NOMO3: variants seen among roughly 807,000 people sequenced by gnomAD.
The protein encoded by NOMO3 is NODAL modulator 3, also known as BOS complex subunit NOMO3.
A neutral mutation model predicts 69.9 loss-of-function variants in NOMO3; 15 were observed. The ratio of observed to expected loss-of-function variants is 0.21; its 90% confidence interval spans 0.14 to 0.33. The LOEUF is 0.33. Among genes scored for constraint, NOMO3 ranks in the 10% least tolerant of loss-of-function variants. The pLI, the probability that NOMO3 is intolerant of heterozygous loss-of-function variation, is 1.00. For missense variants in NOMO3, 218 were observed against 761.0 expected, an observed-to-expected ratio of 0.29 and a Z score of 8.39; for synonymous variants, 89 against 301.9, an observed-to-expected ratio of 0.29 and a Z score of 7.31.
chr16:16,237,080 A>G (rs1489589040), intron 2 of NOMO3, 90 bp downstream of exon 2: 4 of 1,568,596 alleles, frequency 2.6e-6, no homozygotes, highest in African/African-American at 1.5e-5. Context: ...ACACTAGCAA[A>G]TGCTCATCTG....
At chr16:16,248,567 A>C (rs1316202964) in intron 6 of NOMO3, among the ~76,000 whole-genome samples, 15 of 145,962 alleles carry the variant, frequency 1.0e-4, no homozygotes, top group Non-Finnish European at 2.3e-4. Flanking sequence ...CTAGCTAAGG[A>C]TACAGTCTTT....
chr16:16,245,335 C>T (rs1424161887), intron 5 of NOMO3, among the ~76,000 whole-genome samples, 161 bp downstream of exon 5: 2 of 143,430 alleles, frequency 1.4e-5, no homozygotes. Flanking sequence ...CTGAGTTCCC[C>T]ACATGTGAAA....
In NOMO3 at chr16:16,237,580, G is replaced by C. The variant is rs1310924711; in HGVS notation, c.255+590G>C. 1.4e-5 allele frequency among the ~76,000 whole-genome samples: 2 copies of C among 139,214 alleles called. 1 individual carries two copies. The highest frequency in any genetic ancestry group is 3.0e-5 in the Non-Finnish European group (2 of 66,628). 91.3% of individuals were successfully genotyped at this position (139,214 alleles called of 152,430 possible). A position where few individuals can be genotyped will look rare whatever the true frequency, so the allele number is the denominator to read the frequency against. ...TTTTCTTCTTTTGAGTTGGAGTCTCGCTCTGTCGCCCAGGCTGGAGTGCAG... is the reference window on the plus strand; with the variant it reads ...TTTTCTTCTTTTGAGTTGGAGTCTCCCTCTGTCGCCCAGGCTGGAGTGCAG... On this transcript the variant is annotated intron_variant, in intron 2 of 30. Transcript: ENST00000399336.
intron 3 of NOMO3, 30 bp from the exon 4 acceptor site, chr16:16,243,131 C>T (rs2049386972): frequency 6.5e-6 from 6 of 928,110 alleles, no homozygotes; most frequent in African/African-American, 2.2e-5. Context: ...TGTCTTGTGC[C>T]CCGGTTTCCT....
chr16:16,242,719 G>A (rs1159144513), intron 3 of NOMO3, among the ~76,000 whole-genome samples: 1 of 142,938 alleles, frequency 7.0e-6, no homozygotes, highest in Non-Finnish European at 1.5e-5. Flanking sequence ...TAACCTTTCT[G>A]TGCCTTAATT....
chr16:16,274,302 A>ATGG (rs1567568577), intron 20 of NOMO3, among the ~76,000 whole-genome samples: 19 of 32,446 alleles, frequency 5.9e-4, no homozygotes, highest in Non-Finnish European at 1.4e-3. Flanking sequence ...TGGATGGATG[A>ATGG]ATGAATGATT....
At chr16:16,238,921 A>G (rs1596798062) in intron 2 of NOMO3, among the ~76,000 whole-genome samples, 1 of 134,356 alleles carries the variant, frequency 7.4e-6, no homozygotes, top group African/African-American at 3.3e-5. Context: ...CTACTAAAAT[A>G]CAAAAAAATT....
rs1333732048 is a variant in NOMO3, at chr16:16,273,993, G to A, written c.2274G>A (p.Arg758=). 2 of 1,475,120 alleles carry A rather than the reference G, an allele frequency of 1.4e-6. No individual in the cohort carries two copies. The highest frequency in any genetic ancestry group is 1.8e-6 in the Non-Finnish European group (2 of 1,102,232). 91.4% of individuals were successfully genotyped at this position (1,475,120 alleles called of 1,614,324 possible). Residue 758 remains arginine, a splice_region_variant and synonymous_variant, in exon 20 of 31, where the codon CGG becomes CGA. Transcript: ENST00000399336. ...PFSYDFSYWA[R]SGEKITVTPS... ...AACTGAAGTATATTAATTATTTTAGGTCTGGAGAGAAAATCACTGTTACAC... is the reference window on the plus strand; with the variant it reads ...AACTGAAGTATATTAATTATTTTAGATCTGGAGAGAAAATCACTGTTACAC...
Position 16,243,281 on chromosome 16 carries a change from T to G in NOMO3, c.402+20T>G. ...GGCAAGGTTTGTCTTTGGAACTTGA[T>G]TATTTTTCCTGTTCACTCTATAATG... On this transcript the variant is annotated intron_variant, in intron 4 of 30. Transcript: ENST00000399336. The G allele has an allele frequency of 2.8e-6, 2 of 717,888 alleles. No homozygotes were observed. Among genetic ancestry groups the G allele is most frequent in the Non-Finnish European group, 4.5e-6 (2 of 448,704 alleles). The allele number at this position is 717,888 out of a possible 1,614,324, so 44.5% of individuals were successfully genotyped here.
chr16:16,252,199 G>A lies in NOMO3; in HGVS notation c.873+99G>A. The A allele has an allele frequency of 2.6e-6, 4 of 1,565,012 alleles. 1 individual carries two copies. Among genetic ancestry groups the A allele is most frequent in the Non-Finnish European group, 3.4e-6 (4 of 1,159,674 alleles). ...TGTTAAAGGAAAAGATGGTTGGCCT[G>A]CAGTTCTCTGAACATGCTGTTAAGC... is the stretch of plus-strand genomic sequence containing the variant. On this transcript the variant is annotated intron_variant, in intron 8 of 30. Transcript: ENST00000399336.
chr16:16,267,310 G>A (rs2049627514), intron 16 of NOMO3, 179 bp downstream of exon 16: 1 of 574,138 alleles, frequency 1.7e-6, no homozygotes, highest in African/African-American at 2.3e-5. Context: ...ACACCACTGG[G>A]CCCTTTCACC....
At chr16:16,252,161 A>C (rs1343857809) in intron 8 of NOMO3, 61 bp downstream of exon 8, 2 of 1,278,060 alleles carry the variant, frequency 1.6e-6, no homozygotes, top group Admixed American at 3.9e-5. Flanking sequence ...AGTAAAAGCC[A>C]ATGCTGTTTG....
In NOMO3 at chr16:16,232,784, G is replaced by A. The variant is rs1266587456; in HGVS notation, c.118G>A (p.Gly40Ser). 5.2e-6 allele frequency: 3 copies of A among 581,844 alleles called. No individual in the cohort carries two copies. In the African/African-American group the frequency reaches 8.0e-5, roughly 16 times the overall value. 36.0% of individuals were successfully genotyped at this position (581,844 alleles called of 1,614,324 possible). The change falls in exon 1 of 31, where the codon GGT (glycine) becomes AGT (serine). Residue 40 changes from glycine to serine, a missense_variant. By Grantham distance (56) the Gly-to-Ser change is moderately conservative. Coordinates refer to ENST00000399336, the MANE Select transcript of NOMO3 (RefSeq NM_001004067.4). ...CTCGGAGGACATCGTGGTGGGCTGC[G>A]GTGGCTTCGTCAAGTCGGACGTGGA... is the stretch of plus-strand genomic sequence containing the variant. ...HGSEDIVVGC[G>S]GFVKSDVEIN...
rs1488924071 is a variant in NOMO3 at position 16,237,738 on chromosome 16, T to C, written c.255+748T>C. Among the ~76,000 whole-genome samples the C allele has an allele frequency of 5.6e-5, 8 of 144,008 alleles. 2 individuals carry two copies. Among genetic ancestry groups the C allele is most frequent in the Admixed American group, 2.7e-4 (4 of 14,822 alleles). The allele number at this position is 144,008 out of a possible 152,430, so 94.5% of individuals were successfully genotyped here. On this transcript the variant is annotated intron_variant, in intron 2 of 30. Transcript: ENST00000399336. ...TAATGTTTTGTATTTTTAATAGTGA[T>C]GGGGTTTTGCCATGTTGGCTAGGCT... is the stretch of plus-strand genomic sequence containing the variant.
chr16:16,268,511 C>T (rs2049637596), intron 16 of NOMO3, among the ~76,000 whole-genome samples: 2 of 143,746 alleles, frequency 1.4e-5, no homozygotes, highest in Admixed American at 1.3e-4. Flanking sequence ...CCGTTTGGTT[C>T]CCAAGATAAA....
chr16:16,254,252 A>G (rs1364731944), intron 9 of NOMO3, among the ~76,000 whole-genome samples: 4 of 141,918 alleles, frequency 2.8e-5, no homozygotes, highest in Admixed American at 2.7e-4. Flanking sequence ...ATTTCAGGGA[A>G]TGGGGCCCTG....
Position 16,270,177 on chromosome 16 carries a change from T to C in NOMO3, c.1951T>C (p.Tyr651His), listed in dbSNP as rs1596816595. Residue 651 changes from tyrosine (Y) to histidine (H), a missense_variant, in exon 17 of 31, where the codon TAT becomes CAT. By Grantham distance (83) the Tyr-to-His change is moderately conservative (BLOSUM62 2). Coordinates refer to ENST00000399336, the MANE Select transcript of NOMO3 (RefSeq NM_001004067.4). ...CCGGTTTGAGCAAGCGTTCTACACC[T>C]ATGACACGTAAGCCTGGGAATTGAA... is the stretch of plus-strand genomic sequence containing the variant. Reference protein sequence around the residue: ...CHRFEQAFYTYDTSSPSILTL... With the variant: ...CHRFEQAFYTHDTSSPSILTL... The C allele has an allele frequency of 1.3e-6, 2 of 1,560,224 alleles. No individual in the cohort carries two copies. The highest frequency in any genetic ancestry group is 5.3e-5 in the East Asian group (2 of 37,940).
At chr16:16,255,346 C>T (rs1218339819) in intron 9 of NOMO3, among the ~76,000 whole-genome samples, 4 of 139,288 alleles carry the variant, frequency 2.9e-5, no homozygotes, top group Non-Finnish European at 6.0e-5. Context: ...AAAGTGATGC[C>T]GGGGTGTGCA....
In NOMO3 at chr16:16,232,613, G is replaced by A; in HGVS notation, c.-54G>A. 2.5e-6 allele frequency: 1 copy of A among 402,418 alleles called. No homozygotes were observed. The highest frequency in any genetic ancestry group is 7.3e-5 in the South Asian group (1 of 13,690). 24.9% of individuals were successfully genotyped at this position (402,418 alleles called of 1,614,324 possible). On this transcript the variant is annotated 5_prime_UTR_variant, in exon 1 of 31. The change creates a new upstream start codon in the 5' untranslated region. Coordinates refer to ENST00000399336, the MANE Select transcript of NOMO3 (RefSeq NM_001004067.4). ...GAGGAAGGAGCCTGCGGCGTGCAGT[G>A]TGAGGGGCGGGACCCGGCTGCCGGC...
Sources: gnomAD v4.1 joint callset for allele counts (sites outside exome capture counted in the v4.1 genomes callset) on GRCh38, gnomAD v4.1.1 for gene constraint, MANE v1.5 for transcripts, NCBI Gene and HGNC (gene_info 2026-07-23, HGNC 2026-07-21) for gene names.